Variants in AR observed in about 807,000 individuals in gnomAD.
The protein encoded by AR is dihydrotestosterone receptor.
In AR, 8 loss-of-function variants were observed where a neutral mutation model predicts 53.9. The ratio of observed to expected loss-of-function variants is 0.15; its 90% CI spans 0.09 to 0.27. The LOEUF is 0.27. Among genes scored for constraint, AR ranks in the 10% least tolerant of loss-of-function variants. The probability of loss-of-function intolerance (pLI) is 1.00; values close to 1 mark genes in which losing one functional copy is unlikely to be tolerated. For missense variants in AR, 639 were observed against 742.5 expected, an observed-to-expected ratio of 0.86 and a Z score of 1.62; for synonymous variants, 359 against 316.4, an observed-to-expected ratio of 1.13 and a Z score of -1.43.
intron 1 of AR, among the ~76,000 whole-genome samples, chrX:67,614,957 T>C (rs1924045357): frequency 9.1e-6 from 1 of 109,580 alleles, no homozygotes; most frequent in Non-Finnish European, 1.9e-5. Flanking sequence ...AAATGAAAAA[T>C]TCACTAGAAA....
chrX:67,702,878 G>T (rs966049645), intron 3 of AR, among the ~76,000 whole-genome samples: 2 of 111,657 alleles, frequency 1.8e-5, no homozygotes, highest in Non-Finnish European at 3.8e-5. Flanking sequence ...AAGGCCAGGA[G>T]TTTGAGTCCA....
chrX:67,546,358 G>C lies in AR; in HGVS notation c.1212G>C (p.Ala404=), dbSNP rs773692090. 8.4e-7 allele frequency: 1 copy of C among 1,186,255 alleles called. No homozygotes were observed. The highest frequency in any genetic ancestry group is 1.1e-6 in the Non-Finnish European group (1 of 883,463). The change falls in exon 1 of 8, where the codon GCG becomes GCC. Residue 404 remains alanine (A), a synonymous_variant. Transcript: ENST00000374690. ...GCAGCGCCTGGGCGGCTGCGGCGGC[G>C]CAGTGCCGCTATGGGGACCTGGCGA... ...DYGSAWAAAA[A]QCRYGDLASL...
chrX:67,686,382 CAGA>C (rs1938311720), intron 3 of AR, among the ~76,000 whole-genome samples: 1 of 111,582 alleles, frequency 9.0e-6, no homozygotes, highest in African/African-American at 3.3e-5. Flanking sequence ...CAGGAGCCAA[CAGA>C]AGGTGAGTGA....
intron 2 of AR, among the ~76,000 whole-genome samples, chrX:67,667,465 A>G (rs1489039573): frequency 1.8e-5 from 2 of 111,652 alleles, no homozygotes; most frequent in African/African-American, 6.5e-5. Context: ...AAAGCTCTGT[A>G]GTATAATTTG....
chrX:67,561,753 G>A (rs981504845), intron 1 of AR, among the ~76,000 whole-genome samples: 1 of 110,539 alleles, frequency 9.0e-6, no homozygotes, highest in Non-Finnish European at 1.9e-5. Context: ...TATTCATGGA[G>A]CATCTCCTTT....
At chrX:67,550,671 C>A (rs780635147) in intron 1 of AR, among the ~76,000 whole-genome samples, 92 of 106,336 alleles carry the variant, frequency 8.7e-4, no homozygotes, top group East Asian at 2.6e-3. Flanking sequence ...AAAAAAAAAA[C>A]CAAACAAAAA....
At chrX:67,635,091 T>C (rs1395562057) in intron 1 of AR, among the ~76,000 whole-genome samples, 1 of 103,139 alleles carries the variant, frequency 9.7e-6, no homozygotes, top group Non-Finnish European at 2.0e-5. Context: ...AAGCTCTGCA[T>C]AGCCAAGAAA....
intron 6 of AR, 135 bp from the exon 7 acceptor site, chrX:67,722,692 C>T (rs1279982988): frequency 9.3e-6 from 7 of 752,611 alleles, no homozygotes; most frequent in Middle Eastern, 3.4e-4. Context: ...ACACAGACTT[C>T]AACTAACAGG....
intron 1 of AR, among the ~76,000 whole-genome samples, chrX:67,600,406 G>A (rs1923298322): frequency 9.0e-6 from 1 of 110,846 alleles, no homozygotes; most frequent in African/African-American, 3.3e-5. Flanking sequence ...GGATGGAACT[G>A]GAAATTATTA....
Position 67,728,688 on chromosome X carries a change from C to T in AR, c.*4847C>T, listed in dbSNP as rs1204829023. ...TTTGGTTCCAGATCACACCTGATGC[C>T]ATGTACTTGTGAGAGAGGATGCAGT... is the stretch of plus-strand genomic sequence containing the variant. On this transcript the variant is annotated 3_prime_UTR_variant, in exon 8 of 8. Coordinates refer to ENST00000374690, the MANE Select transcript of AR (RefSeq NM_000044.6). 1 of 124,512 alleles carries T rather than the reference C, an allele frequency of 8.0e-6. No homozygotes were observed. The highest frequency in any genetic ancestry group is 1.5e-5 in the Non-Finnish European group (1 of 65,270). 10.3% of individuals were successfully genotyped at this position (124,512 alleles called of 1,213,427 possible).
At chrX:67,558,156 A>G (rs1048200006) in intron 1 of AR, among the ~76,000 whole-genome samples, 10 of 112,076 alleles carry the variant, frequency 8.9e-5, no homozygotes, top group East Asian at 2.8e-4. Flanking sequence ...AGCCTGTTTT[A>G]AGGGTTAGTC....
intron 1 of AR, among the ~76,000 whole-genome samples, chrX:67,630,041 G>A (rs1268743952): frequency 3.6e-5 from 4 of 110,938 alleles, no homozygotes; most frequent in African/African-American, 1.3e-4. Context: ...ATTTGCTGAG[G>A]AGAGCTTTAC....
rs1420265550 is a variant in AR at position 67,615,229 on chromosome X, AT to A, written c.1617-28020del. Among the ~76,000 whole-genome samples, 4 of 111,213 alleles carry A rather than the reference AT, an allele frequency of 3.6e-5. No individual in the cohort carries two copies. The East Asian group carries it at 1.1e-3, about 31-fold the overall frequency. ...AACATCAACCTACACATCAAAGAAA[AT>A]TTTTTTAAAACTTCAAGCAGGAAAA... On this transcript the variant is annotated intron_variant, in intron 1 of 7. Transcript: ENST00000374690.
In AR at chrX:67,728,615, A is replaced by ATATATATATATATATATATATATATATT. The variant is rs1555999011; in HGVS notation, c.*4774_*4775insTATATATATATATATATATATATATATT. The ATATATATATATATATATATATATATATT allele has an allele frequency of 1.1e-5, 1 of 92,901 alleles. No homozygotes were observed. Among genetic ancestry groups the ATATATATATATATATATATATATATATT allele is most frequent in the Non-Finnish European group, 2.1e-5 (1 of 47,883 alleles). 7.7% of individuals were successfully genotyped at this position (92,901 alleles called of 1,213,427 possible). A position where few individuals can be genotyped will look rare whatever the true frequency, so the allele number is the denominator to read the frequency against. ...TATATATATATATATATATATATATAGTGTGTGTGTGTGTTCTGATAGCTT... is the reference window on the plus strand; with the variant it reads ...TATATATATATATATATATATATATATATATATATATATATATATATATATATTGTGTGTGTGTGTGTTCTGATAGCTT... On this transcript the variant is annotated 3_prime_UTR_variant, in exon 8 of 8. Coordinates refer to ENST00000374690, the MANE Select transcript of AR (RefSeq NM_000044.6).
chrX:67,628,772 T>C (rs980540367), intron 1 of AR, among the ~76,000 whole-genome samples: 1 of 111,827 alleles, frequency 8.9e-6, no homozygotes, highest in Non-Finnish European at 1.9e-5. Context: ...TGGCTGTGGG[T>C]TTGTCATAGA....
intron 1 of AR, among the ~76,000 whole-genome samples, chrX:67,583,470 G>A (rs1922382228): frequency 9.0e-6 from 1 of 111,596 alleles, no homozygotes; most frequent in African/African-American, 3.3e-5. Context: ...GGGGCTGCAA[G>A]ACTTGTGAGT....
chrX:67,568,895 G>A (rs1921673659), intron 1 of AR: 2 of 1,203,095 alleles, frequency 1.7e-6, no homozygotes, highest in Non-Finnish European at 2.2e-6. Context: ...TCTTGCCTAT[G>A]CAAATGCCTG....
In AR at chrX:67,651,118, G is replaced by A. The variant is rs188150231; in HGVS notation, c.1768+7711G>A. Among the ~76,000 whole-genome samples, 404 of 108,026 alleles carry A rather than the reference G, an allele frequency of 3.7e-3. 1 individual carries two copies. The highest frequency in any genetic ancestry group is 5.0e-3 in the Non-Finnish European group (262 of 52,206). 93.8% of individuals were successfully genotyped at this position (108,026 alleles called of 115,157 possible). ...TGCAGTGGCACGATCTCGGCTCACT[G>A]CAACCTCCACCTCCCAGGTTCATGT... On this transcript the variant is annotated intron_variant, in intron 2 of 7. Coordinates refer to ENST00000374690, the MANE Select transcript of AR (RefSeq NM_000044.6).
At chrX:67,637,985 C>A (rs933483633) in intron 1 of AR, among the ~76,000 whole-genome samples, 2 of 110,689 alleles carry the variant, frequency 1.8e-5, no homozygotes, top group African/African-American at 6.6e-5. Context: ...TGCCCCTCAC[C>A]CCTCACTGGC....
Sources: allele counts gnomAD v4.1 joint callset (sites outside exome capture counted in the v4.1 genomes callset), GRCh38; gene constraint gnomAD v4.1.1; transcripts MANE v1.5; gene names NCBI Gene and HGNC (gene_info 2026-07-23, HGNC 2026-07-21).